The following AGO2 variants were observed in gnomAD, a reference collection of about 807,000 sequenced individuals.
AGO2 encodes the protein argonaute RISC catalytic component 2, also known as protein argonaute-2.
Under a neutral mutation model 102.3 loss-of-function variants are expected in AGO2, and 5 were observed. That is an observed-to-expected ratio of 0.05 (90% confidence interval 0.03 to 0.10). The LOEUF (loss-of-function observed/expected upper bound fraction) is 0.10, where lower values mean the gene tolerates loss of function less well. Among genes scored for constraint, AGO2 ranks in the 10% least tolerant of loss-of-function variants. The probability of loss-of-function intolerance (pLI) is 1.00; values close to 1 mark genes in which losing one functional copy is unlikely to be tolerated. For missense variants in AGO2, 541 were observed against 1,183.7 expected, an observed-to-expected ratio of 0.46 and a Z score of 7.97; for synonymous variants, 449 against 473.1, an observed-to-expected ratio of 0.95 and a Z score of 0.66.
chr8:140,600,075 A>G (rs2073910320), intron 1 of AGO2, among the ~76,000 whole-genome samples: 1 of 152,264 alleles, frequency 6.6e-6, no homozygotes, highest in Non-Finnish European at 1.5e-5. Flanking sequence ...ACGACGTGAC[A>G]GCCTCTGTGA....
chr8:140,562,942 C>G (rs1298905139), intron 3 of AGO2, among the ~76,000 whole-genome samples: 2 of 152,198 alleles, frequency 1.3e-5, no homozygotes, highest in African/African-American at 4.8e-5. Context: ...CTACCTCTCT[C>G]CTCCCAGTCT....
chr8:140,575,427 C>G (rs1054084057), intron 2 of AGO2, among the ~76,000 whole-genome samples: 1 of 152,196 alleles, frequency 6.6e-6, no homozygotes, highest in African/African-American at 2.4e-5. Flanking sequence ...TTCCTCTGCA[C>G]TCTCCAAACA....
chr8:140,552,730 G>A (rs922967434), intron 10 of AGO2, among the ~76,000 whole-genome samples: 19 of 112,362 alleles, frequency 1.7e-4, no homozygotes, highest in South Asian at 8.3e-4. Context: ...GCACATGCAC[G>A]CGCGCGCGCG....
chr8:140,574,842 C>T (rs2073440782), intron 2 of AGO2, among the ~76,000 whole-genome samples: 1 of 152,114 alleles, frequency 6.6e-6, no homozygotes, highest in Non-Finnish European at 1.5e-5. Context: ...GGGATTGGAG[C>T]GTGGCTAGAA....
intron 3 of AGO2, among the ~76,000 whole-genome samples, chr8:140,566,939 C>G (rs541592004): frequency 1.3e-5 from 2 of 152,300 alleles, no homozygotes; most frequent in South Asian, 4.1e-4. Flanking sequence ...AGTGGGAGAG[C>G]GCGTGCATTT....
In AGO2 at chr8:140,573,100, C is replaced by T. The variant is rs547157386; in HGVS notation, c.216-168G>A. On this transcript the variant is annotated intron_variant, in intron 2 of 18. Transcript: ENST00000220592. ...TCTCAGCTCACTGCAACCTCTGCCT[C>T]CTGGGTTCAAGCAATTCTCCTCCCT... is the stretch of plus-strand genomic sequence containing the variant. Among the ~76,000 whole-genome samples, 27 of 151,624 alleles carry T rather than the reference C, an allele frequency of 1.8e-4. 1 individual carries two copies. The Middle Eastern group carries it at 0.014, about 76-fold the overall frequency.
rs149622716 is a variant in AGO2, at chr8:140,590,781, G to A, written c.23-5470C>T. 6.5e-3 allele frequency among the ~76,000 whole-genome samples: 983 copies of A among 152,310 alleles called. 4 individuals carry two copies. Among genetic ancestry groups the A allele is most frequent in the South Asian group, 0.016 (75 of 4,820 alleles). On this transcript the variant is annotated intron_variant, in intron 1 of 18. Transcript: ENST00000220592. ...ACCAAGGGGGTCTCAGTGTGGCAAC[G>A]GGGAGCTGGTGCACAGGCTCAGAGA...
In AGO2 at chr8:140,544,307, C is replaced by A. The variant is rs201214398; in HGVS notation, c.1749-4G>T. 3.1e-6 allele frequency: 5 copies of A among 1,598,150 alleles called. No individual in the cohort carries two copies. The African/African-American group carries it at 5.4e-5, about 17-fold the overall frequency. On this transcript the variant is annotated splice_region_variant and splice_polypyrimidine_tract_variant and intron_variant, in intron 13 of 18. Coordinates refer to ENST00000220592, the MANE Select transcript of AGO2 (RefSeq NM_012154.5). ...GGGCTGCTGGAACACCGGCGGCCTG[C>A]GGAGAGGAGTGGCGTCAGGGGCCAC...
intron 1 of AGO2, among the ~76,000 whole-genome samples, chr8:140,598,909 C>T (rs535567841): frequency 1.5e-4 from 23 of 152,336 alleles, no homozygotes; most frequent in African/African-American, 5.3e-4. Flanking sequence ...ATGCGTTTTC[C>T]TGCCTCTGCT....
At position 140,540,870 on chromosome 8, in the gene AGO2, C is replaced by T. The variant is rs2072784577; in HGVS notation, c.2034+294G>A. Among the ~76,000 whole-genome samples the T allele has an allele frequency of 6.6e-6, 1 of 152,168 alleles. No individual in the cohort carries two copies. Among genetic ancestry groups the T allele is most frequent in the South Asian group, 2.1e-4 (1 of 4,830 alleles). On this transcript the variant is annotated intron_variant, in intron 15 of 18. Transcript: ENST00000220592. The surrounding 1 kb of genome is among the most constrained non-coding windows in gnomAD (Gnocchi z 5.0). Reference sequence around the variant, plus strand: ...GCCCTCGGGAAGCCCCCAGATGGAGCTCTGCTCTGCAAGTCAGCGGAACTC... The same window carrying T: ...GCCCTCGGGAAGCCCCCAGATGGAGTTCTGCTCTGCAAGTCAGCGGAACTC...
intron 10 of AGO2, chr8:140,555,263 G>A (rs1293839988): frequency 6.6e-6 from 1 of 152,262 alleles, no homozygotes; most frequent in Admixed American, 6.5e-5. Context: ...GCGAGCCCAG[G>A]AGGAAATGAG....
At chr8:140,573,255 C>T (rs6578119) in intron 2 of AGO2, among the ~76,000 whole-genome samples, 49,738 of 151,674 alleles carry the variant, frequency 0.33, 8,356 homozygotes, top group African/African-American at 0.36. Context: ...CTGCAATCTA[C>T]GCCTCCTGGG....
chr8:140,551,695 G>GGGTGGGTGGATGGTTGATA (rs2073000718), intron 10 of AGO2, among the ~76,000 whole-genome samples: 1 of 151,564 alleles, frequency 6.6e-6, no homozygotes, highest in African/African-American at 2.4e-5. Context: ...GATGGTTGAT[G>GGGTGGGTGGATGGTTGATA]GGTCGGTGGA....
chr8:140,611,607 C>T (rs892425699), intron 1 of AGO2, among the ~76,000 whole-genome samples: 2 of 152,058 alleles, frequency 1.3e-5, no homozygotes, highest in East Asian at 1.9e-4. Context: ...GGATTACAGG[C>T]GTGAGCCACT....
At chr8:140,600,001 C>T (rs2073908873) in intron 1 of AGO2, among the ~76,000 whole-genome samples, 1 of 152,118 alleles carries the variant, frequency 6.6e-6, no homozygotes. Flanking sequence ...GGATTACAGG[C>T]ATGAGCCACT....
chr8:140,541,481 C>G (rs2072797354), intron 14 of AGO2, 123 bp from the exon 15 acceptor site: 6 of 912,802 alleles, frequency 6.6e-6, no homozygotes, highest in Non-Finnish European at 9.5e-6. Context: ...ATGTCACTGT[C>G]AAGTGACAAT....
chr8:140,625,595 C>T (rs961540590), intron 1 of AGO2, among the ~76,000 whole-genome samples: 1 of 152,170 alleles, frequency 6.6e-6, no homozygotes, highest in Non-Finnish European at 1.5e-5. Context: ...ACACCATGAA[C>T]GGGCCTCACC....
intron 1 of AGO2, among the ~76,000 whole-genome samples, chr8:140,585,767 T>C (rs2073646162): frequency 6.6e-6 from 1 of 152,116 alleles, no homozygotes; most frequent in South Asian, 2.1e-4. Flanking sequence ...TTTAGAAAAA[T>C]AAACATTTTT....
At chr8:140,605,778 G>A (rs1169646641) in intron 1 of AGO2, 1 of 152,264 alleles carries the variant, frequency 6.6e-6, no homozygotes, top group Non-Finnish European at 1.5e-5. Context: ...CTGCAGGAAG[G>A]GAGGAGAAAG....
Sources: gnomAD v4.1 joint callset for allele counts (sites outside exome capture counted in the v4.1 genomes callset) on GRCh38, gnomAD v4.1.1 for gene constraint, Gnocchi (gnomAD v3.1) non-coding constraint, MANE v1.5 for transcripts, NCBI Gene and HGNC (gene_info 2026-07-23, HGNC 2026-07-21) for gene names.